Variants in PRKG1 observed in about 807,000 individuals in gnomAD.
PRKG1 encodes the protein protein kinase cGMP-dependent 1.
PRKG1 carries 35 observed loss-of-function variants against 88.1 expected under a neutral mutation model. That is an observed-to-expected ratio of 0.40 (90% CI 0.30 to 0.53). The LOEUF (loss-of-function observed/expected upper bound fraction) is 0.53, where lower values mean the gene tolerates loss of function less well. Ranked by LOEUF, PRKG1 falls within the 20% of genes least tolerant of loss-of-function variation. The probability of loss-of-function intolerance (pLI) is 0.59; values close to 1 mark genes in which losing one functional copy is unlikely to be tolerated. For missense variants in PRKG1, 540 were observed against 839.8 expected (o/e 0.64, Z 4.41); for synonymous variants, 303 against 292.5 (o/e 1.04, Z -0.37).
chr10:51,689,323 A>G (rs557943589), intron 3 of PRKG1, among the ~76,000 whole-genome samples: 1 of 152,198 alleles, frequency 6.6e-6, no homozygotes, highest in African/African-American at 2.4e-5. Flanking sequence ...TATTTTTACA[A>G]TCATATTTCA....
At chr10:51,532,938 G>C (rs576213889) in intron 3 of PRKG1, among the ~76,000 whole-genome samples, 2 of 152,024 alleles carry the variant, frequency 1.3e-5, no homozygotes, top group South Asian at 2.1e-4. Context: ...GAGCAGGATA[G>C]CTTGGGGGCA....
intron 5 of PRKG1, among the ~76,000 whole-genome samples, chr10:51,996,250 G>C (rs1310842263): frequency 6.8e-6 from 1 of 146,260 alleles, no homozygotes; most frequent in Non-Finnish European, 1.5e-5. Flanking sequence ...GGGCAGTGGA[G>C]GTTGCAGTGA....
intron 2 of PRKG1, among the ~76,000 whole-genome samples, chr10:51,169,132 G>C (rs141792012): frequency 6.6e-6 from 1 of 152,078 alleles, no homozygotes; most frequent in Admixed American, 6.6e-5. Context: ...TTTATACTGT[G>C]CTTATTTTTC....
intron 2 of PRKG1, among the ~76,000 whole-genome samples, chr10:51,406,963 G>A (rs1209123800): frequency 1.3e-5 from 2 of 152,172 alleles, no homozygotes; most frequent in South Asian, 2.1e-4. Flanking sequence ...CTTGGAGTTC[G>A]ACGTTTGAGG....
At chr10:52,068,895 C>T (rs1252130259) in intron 7 of PRKG1, among the ~76,000 whole-genome samples, 1 of 152,148 alleles carries the variant, frequency 6.6e-6, no homozygotes, top group African/African-American at 2.4e-5. Flanking sequence ...TGAGAGTTGG[C>T]CCTTTTCCAC....
chr10:52,292,710 A>T (rs946238743), intron 17 of PRKG1, among the ~76,000 whole-genome samples: 10 of 152,002 alleles, frequency 6.6e-5, no homozygotes, highest in African/African-American at 9.7e-5. Context: ...AAATTTAACA[A>T]CCCTTCATGC....
At chr10:51,102,113 T>C (rs1844701312) in intron 1 of PRKG1, among the ~76,000 whole-genome samples, 1 of 152,148 alleles carries the variant, frequency 6.6e-6, no homozygotes, top group Non-Finnish European at 1.5e-5. Flanking sequence ...GAGATGTGAG[T>C]AGCACACCTC....
intron 2 of PRKG1, among the ~76,000 whole-genome samples, chr10:51,388,398 A>G (rs922400873): frequency 1.3e-5 from 2 of 152,206 alleles, no homozygotes; most frequent in African/African-American, 4.8e-5. Context: ...CTCTTTTATT[A>G]CACCACACAA....
At chr10:51,378,738 T>C (rs1449338533) in intron 2 of PRKG1, among the ~76,000 whole-genome samples, 1 of 152,174 alleles carries the variant, frequency 6.6e-6, no homozygotes, top group Non-Finnish European at 1.5e-5. Context: ...GGGTGATTTA[T>C]TTAAATTCTC....
intron 3 of PRKG1, among the ~76,000 whole-genome samples, chr10:51,795,622 T>TC (rs1365048616): frequency 6.6e-6 from 1 of 152,082 alleles, no homozygotes; most frequent in Non-Finnish European, 1.5e-5. Context: ...TCAAGGTCTC[T>TC]CCCAATCTTC....
chr10:51,206,172 T>C (rs1272564699), intron 2 of PRKG1, among the ~76,000 whole-genome samples: 3 of 152,150 alleles, frequency 2.0e-5, no homozygotes, highest in African/African-American at 4.8e-5. Context: ...TCATAAACTG[T>C]GAGGGGCTAC....
At chr10:51,661,038 TG>T (rs1840285836) in intron 3 of PRKG1, among the ~76,000 whole-genome samples, 1 of 152,058 alleles carries the variant, frequency 6.6e-6, no homozygotes, top group African/African-American at 2.4e-5. Context: ...TTATTGTTGT[TG>T]TTGTTAGAAT....
intron 3 of PRKG1, among the ~76,000 whole-genome samples, chr10:51,670,563 C>T (rs1363120908): frequency 2.7e-5 from 4 of 149,134 alleles, no homozygotes; most frequent in Non-Finnish European, 6.0e-5. Context: ...GGTGAAACCC[C>T]GTCTCTACTA....
chr10:52,063,415 C>A (rs138187452), intron 7 of PRKG1, among the ~76,000 whole-genome samples: 1 of 152,200 alleles, frequency 6.6e-6, no homozygotes, highest in Non-Finnish European at 1.5e-5. Flanking sequence ...AGCCCCAAAG[C>A]GGGAGTCACA....
intron 9 of PRKG1, among the ~76,000 whole-genome samples, chr10:52,186,021 CA>C (rs57189997): frequency 0.22 from 32,728 of 152,078 alleles, 5,029 homozygotes; most frequent in African/African-American, 0.43. Flanking sequence ...GCCTTTTGCC[CA>C]TTTTTAAATA....
chr10:51,983,370 T>C (rs1844065133), intron 5 of PRKG1, among the ~76,000 whole-genome samples: 1 of 152,054 alleles, frequency 6.6e-6, no homozygotes, highest in African/African-American at 2.4e-5. Context: ...GTGTATGGCA[T>C]GGGGGCAGTC....
At chr10:51,359,922 C>G (rs1842444349) in intron 2 of PRKG1, among the ~76,000 whole-genome samples, 1 of 151,920 alleles carries the variant, frequency 6.6e-6, no homozygotes, top group African/African-American at 2.4e-5. Flanking sequence ...TTCCAAGATA[C>G]AGAGTAAACT....
chr10:51,268,868 G>A (rs1839904456), intron 2 of PRKG1, among the ~76,000 whole-genome samples: 1 of 152,144 alleles, frequency 6.6e-6, no homozygotes, highest in Non-Finnish European at 1.5e-5. Flanking sequence ...GTAAAGACAG[G>A]CGTAAGACAT....
intron 5 of PRKG1, among the ~76,000 whole-genome samples, chr10:51,987,978 T>G (rs1904047): frequency 0.88 from 134,489 of 152,100 alleles, 59,604 homozygotes; most frequent in East Asian, 1. Flanking sequence ...TATGCCATAT[T>G]TGTTTCAAGA....
Sources: allele counts gnomAD v4.1 joint callset (sites outside exome capture counted in the v4.1 genomes callset), GRCh38; gene constraint gnomAD v4.1.1; transcripts MANE v1.5; gene names NCBI Gene and HGNC (gene_info 2026-07-23, HGNC 2026-07-21).